The following RGS20 variants were observed in gnomAD, a reference collection of about 807,000 sequenced individuals.
RGS20 encodes regulator of G protein signaling 20.
In RGS20, 30 loss-of-function variants were observed where a neutral mutation model predicts 33.6. That is an observed-to-expected ratio of 0.89 (90% CI 0.67 to 1.21). RGS20 has a LOEUF of 1.21. Among genes scored for constraint, RGS20 ranks in the 50% most tolerant of loss-of-function variants. The pLI is 0.00. For missense variants in RGS20, 472 were observed against 502.4 expected, an observed-to-expected ratio of 0.94 and a Z score of 0.58; for synonymous variants, 208 against 197.9, an observed-to-expected ratio of 1.05 and a Z score of -0.43.
intron 1 of RGS20, among the ~76,000 whole-genome samples, chr8:53,865,391 T>C (rs937783667): frequency 2.6e-5 from 4 of 152,240 alleles, no homozygotes; most frequent in African/African-American, 9.6e-5. Flanking sequence ...AGAGATGAGA[T>C]GCATTGTTTA....
intron 2 of RGS20, among the ~76,000 whole-genome samples, chr8:53,892,326 T>C (rs1374691534): frequency 2.6e-5 from 4 of 152,244 alleles, no homozygotes; most frequent in Admixed American, 6.5e-5. Flanking sequence ...GTCTTTGCTA[T>C]TGTGAATAGT....
chr8:53,865,848 TCTA>T (rs1811906962), intron 1 of RGS20, among the ~76,000 whole-genome samples: 1 of 152,202 alleles, frequency 6.6e-6, no homozygotes. Flanking sequence ...CCTCAAGTGA[TCTA>T]CCTGCCTCAA....
In RGS20 at chr8:53,923,552, G is replaced by A. The variant is rs377136685; in HGVS notation, c.511-16024G>A. On this transcript the variant is annotated intron_variant, in intron 2 of 5. Coordinates refer to ENST00000297313, the MANE Select transcript of RGS20 (RefSeq NM_170587.4). ...AAAGGTTGCAGTGAGCCAAAATCACGCCACTGAACTCCAGCCTGGGCGACA... is the reference window on the plus strand; with the variant it reads ...AAAGGTTGCAGTGAGCCAAAATCACACCACTGAACTCCAGCCTGGGCGACA... Among the ~76,000 whole-genome samples the A allele has an allele frequency of 1.4e-4, 21 of 151,692 alleles. 1 individual carries two copies. In the East Asian group the frequency reaches 2.9e-3, roughly 21 times the overall value.
chr8:53,937,413 C>T (rs1010556585), intron 2 of RGS20, among the ~76,000 whole-genome samples: 2 of 151,746 alleles, frequency 1.3e-5, no homozygotes, highest in African/African-American at 4.8e-5. Context: ...GACATAAGAC[C>T]TAAAACCATA....
chr8:53,906,460 CTG>C (rs1235168766), intron 2 of RGS20, among the ~76,000 whole-genome samples: 1 of 152,140 alleles, frequency 6.6e-6, no homozygotes, highest in Non-Finnish European at 1.5e-5. Context: ...AATGTGGTAT[CTG>C]TGAAAAATCA....
chr8:53,856,686 T>C (rs1031733085), intron 1 of RGS20, among the ~76,000 whole-genome samples: 3 of 152,206 alleles, frequency 2.0e-5, no homozygotes, highest in Non-Finnish European at 1.5e-5. Context: ...AATATAGATA[T>C]ATATGTTTAT....
intron 5 of RGS20, among the ~76,000 whole-genome samples, chr8:53,955,099 T>G (rs1814829018): frequency 6.6e-6 from 1 of 150,868 alleles, no homozygotes. Flanking sequence ...ATACCGTGAA[T>G]GCGGGTGCAG....
intron 1 of RGS20, among the ~76,000 whole-genome samples, chr8:53,861,874 T>G (rs1445755952): frequency 6.6e-6 from 1 of 152,252 alleles, no homozygotes; most frequent in Non-Finnish European, 1.5e-5. Flanking sequence ...ATTAGCATCA[T>G]TAAGATCTCT....
At chr8:53,952,994 C>G (rs943255349) in intron 4 of RGS20, among the ~76,000 whole-genome samples, 8 of 152,096 alleles carry the variant, frequency 5.3e-5, no homozygotes, top group Non-Finnish European at 5.9e-5. Flanking sequence ...CAGTGCTGTT[C>G]TGGTTCTTAA....
intron 1 of RGS20, among the ~76,000 whole-genome samples, chr8:53,854,415 A>G (rs562398028): frequency 6.6e-6 from 1 of 152,366 alleles, no homozygotes; most frequent in Non-Finnish European, 1.5e-5. Context: ...TGGGCAAAAG[A>G]CATGAACAGC....
chr8:53,895,705 C>T (rs979566159), intron 2 of RGS20, among the ~76,000 whole-genome samples: 1 of 149,772 alleles, frequency 6.7e-6, no homozygotes, highest in East Asian at 2.0e-4. Context: ...AGTGCAGTGG[C>T]GGGATCTCGG....
At chr8:53,946,538 T>A (rs1443023281) in intron 3 of RGS20, 127 bp from the exon 3 acceptor site, 1 of 846,398 alleles carries the variant, frequency 1.2e-6, no homozygotes, top group Admixed American at 1.9e-5. Flanking sequence ...GGGGTCATTT[T>A]TTTTTCCAAG....
At chr8:53,939,461 C>T in intron 2 of RGS20, 115 bp from the exon 2 acceptor site, 2 of 1,148,974 alleles carry the variant, frequency 1.7e-6, no homozygotes, top group African/African-American at 3.2e-5. Context: ...GCAAAAATGA[C>T]CTGAATGTAG....
In RGS20 at chr8:53,879,378, G is replaced by A. The variant is rs1435871455; in HGVS notation, c.286G>A (p.Glu96Lys). The change falls in exon 2 of 6, where the codon GAG (glutamate) becomes AAG (lysine). Residue 96 changes from glutamate to lysine, a missense_variant. This residue lies in a region of RGS20 where 319 missense variants were observed against 283.4 expected (regional missense o/e 1.13). Coordinates refer to ENST00000297313, the MANE Select transcript of RGS20 (RefSeq NM_170587.4). ...TCACCTTCTCCGGCGACCCCCTCCC[G>A]AGGCTCCCCGGAGGCGCCTGGACTT... 2 of 1,610,906 alleles carry A rather than the reference G, an allele frequency of 1.2e-6. No individual in the cohort carries two copies. The highest frequency in any genetic ancestry group is 1.3e-5 in the African/African-American group (1 of 74,786).
chr8:53,914,795 A>T (rs1359446032), intron 2 of RGS20: 1 of 152,216 alleles, frequency 6.6e-6, no homozygotes, highest in Non-Finnish European at 1.5e-5. Context: ...CGAGGATGAC[A>T]TGCAAATTCA....
At chr8:53,939,969 A>C (rs970610849) in intron 3 of RGS20, among the ~76,000 whole-genome samples, 9 of 152,206 alleles carry the variant, frequency 5.9e-5, no homozygotes, top group Non-Finnish European at 1.5e-5. Context: ...TAAACAACTA[A>C]AGAACAACCT....
intron 2 of RGS20, among the ~76,000 whole-genome samples, chr8:53,925,272 T>G (rs570844167): frequency 1.3e-5 from 2 of 152,270 alleles, no homozygotes; most frequent in African/African-American, 4.8e-5. Flanking sequence ...CATCCTGAAT[T>G]TGCAGTCAGC....
At chr8:53,940,089 G>A (rs1814246386) in intron 3 of RGS20, among the ~76,000 whole-genome samples, 1 of 152,204 alleles carries the variant, frequency 6.6e-6, no homozygotes, top group African/African-American at 2.4e-5. Context: ...AGGTCTTAAA[G>A]GTTAGGGCGA....
chr8:53,922,123 T>A (rs1392080494), intron 2 of RGS20, among the ~76,000 whole-genome samples: 2 of 152,204 alleles, frequency 1.3e-5, no homozygotes, highest in African/African-American at 4.8e-5. Flanking sequence ...ACTGTTATCA[T>A]TGAATTGTCG....
Sources: allele counts gnomAD v4.1 joint callset (sites outside exome capture counted in the v4.1 genomes callset), GRCh38; gene constraint gnomAD v4.1.1; regional missense constraint gnomAD v4.1.1; transcripts MANE v1.5; gene names NCBI Gene and HGNC (gene_info 2026-07-23, HGNC 2026-07-21).